LARS1: variants seen among roughly 807,000 people sequenced by gnomAD.
The protein encoded by LARS1 is leucine--tRNA ligase, cytoplasmic.
LARS1 carries 100 observed loss-of-function variants against 162.8 expected under a neutral mutation model. That is an observed-to-expected ratio of 0.61 (90% confidence interval 0.52 to 0.73). The LOEUF (loss-of-function observed/expected upper bound fraction) is 0.73. Ranked by LOEUF, LARS1 falls within the 30% of genes least tolerant of loss-of-function variation. The pLI, the probability that LARS1 is intolerant of heterozygous loss-of-function variation, is 0.00. For missense variants in LARS1, 1,258 were observed against 1,408.9 expected (o/e 0.89, Z 1.71); for synonymous variants, 457 against 462.8 (o/e 0.99, Z 0.16).
chr5:146,154,218 T>G (rs1436932149), intron 10 of LARS1, among the ~76,000 whole-genome samples: 2 of 152,016 alleles, frequency 1.3e-5, no homozygotes, highest in East Asian at 1.9e-4. Flanking sequence ...AAGGCTAGAG[T>G]GTAGAGGCTA....
At chr5:146,144,831 A>T in intron 15 of LARS1, 122 bp from the exon 16 acceptor site, 5 of 822,078 alleles carry the variant, frequency 6.1e-6, no homozygotes, top group Non-Finnish European at 9.6e-6. Flanking sequence ...CATTTTCATT[A>T]TGTCTTGCCC....
At chr5:146,126,991 G>C (rs904790766) in intron 27 of LARS1, among the ~76,000 whole-genome samples, 1 of 152,000 alleles carries the variant, frequency 6.6e-6, no homozygotes, top group African/African-American at 2.4e-5. Flanking sequence ...GTTAAAAACA[G>C]AATCATTTCT....
At chr5:146,144,560 G>T (rs1752931052) in intron 16 of LARS1, 23 bp from the exon 17 acceptor site, 1 of 1,602,428 alleles carries the variant, frequency 6.2e-7, no homozygotes, top group Non-Finnish European at 8.5e-7. Context: ...AAATTGATAT[G>T]TTTTTTTTTA....
intron 10 of LARS1, among the ~76,000 whole-genome samples, chr5:146,155,438 T>C (rs928879723): frequency 6.6e-6 from 1 of 152,200 alleles, no homozygotes; most frequent in Non-Finnish European, 1.5e-5. Flanking sequence ...CAAGAATGGG[T>C]ACTATACATC....
At chr5:146,140,942 A>G (rs1752752881) in intron 20 of LARS1, among the ~76,000 whole-genome samples, 1 of 152,236 alleles carries the variant, frequency 6.6e-6, no homozygotes, top group South Asian at 2.1e-4. Context: ...AGAACAGTGT[A>G]AACAATGTGG....
chr5:146,154,451 T>C (rs887531906), intron 10 of LARS1, among the ~76,000 whole-genome samples: 3 of 152,212 alleles, frequency 2.0e-5, no homozygotes, highest in African/African-American at 4.8e-5. Flanking sequence ...TCAAAACATA[T>C]TGCGTACCAT....
intron 2 of LARS1, among the ~76,000 whole-genome samples, chr5:146,173,736 C>A (rs1469270401): frequency 2.0e-5 from 3 of 151,912 alleles, no homozygotes; most frequent in Admixed American, 6.6e-5. Flanking sequence ...ACTTATGAAT[C>A]CACTGAAACT....
chr5:146,126,585 GTC>G (rs778258126), intron 27 of LARS1, 40 bp from the exon 28 acceptor site: 1 of 1,413,432 alleles, frequency 7.1e-7, no homozygotes, highest in Non-Finnish European at 1.0e-6. Context: ...AGAAAAAAAA[GTC>G]TCAAGAATAA....
intron 10 of LARS1, among the ~76,000 whole-genome samples, chr5:146,155,176 T>C (rs1351622555): frequency 6.6e-6 from 1 of 152,182 alleles, no homozygotes; most frequent in Non-Finnish European, 1.5e-5. Context: ...TTAATAATTA[T>C]AATAACTAAA....
chr5:146,122,593 C>G lies in LARS1; in HGVS notation c.3097-6G>C, dbSNP rs1168091612. On this transcript the variant is annotated splice_region_variant and splice_polypyrimidine_tract_variant and intron_variant, in intron 29 of 31. Transcript: ENST00000394434. Reference sequence around the variant, plus strand: ...TTGACTTCTATGTGTTCTAGCTAAACAGACGGGAAAAAATGGAAGTTATTA... The same window carrying G: ...TTGACTTCTATGTGTTCTAGCTAAAGAGACGGGAAAAAATGGAAGTTATTA... 3 of 1,561,758 alleles carry G rather than the reference C, an allele frequency of 1.9e-6. No individual in the cohort carries two copies. The highest frequency in any genetic ancestry group is 3.4e-5 in the Admixed American group (2 of 58,360).
chr5:146,160,424 T>C lies in LARS1; in HGVS notation c.657A>G (p.Arg219=), dbSNP rs748100087. ...DVNPYYDSFV[R]WQFLTLRERN... ...TTTCTCTTAATGTTAAAAATTGCCA[T>C]CTGACAAATGAATCATAGTAAGGAT... is the stretch of plus-strand genomic sequence containing the variant. The change falls in exon 7 of 32, where the codon AGA becomes AGG. Residue 219 remains arginine (R), a synonymous_variant. Coordinates refer to ENST00000394434, the MANE Select transcript of LARS1 (RefSeq NM_020117.11). 2 of 1,585,864 alleles carry C rather than the reference T, an allele frequency of 1.3e-6. No homozygotes were observed. Among genetic ancestry groups the C allele is most frequent in the East Asian group, 2.4e-5 (1 of 42,460 alleles).
In LARS1 at chr5:146,143,452, C is replaced by T; in HGVS notation, c.1837G>A (p.Gly613Ser). Residue 613 changes from glycine (G) to serine (S), a missense_variant, in exon 19 of 32, where the codon GGT becomes AGT. By Grantham distance (56) the Gly-to-Ser change is moderately conservative. Transcript: ENST00000394434. Reference protein sequence around the residue: ...FYTVAHLLQGGNLHGQAESPL... With the variant: ...FYTVAHLLQGSNLHGQAESPL... Reference sequence around the variant, plus strand: ...GACTCTGCCTGTCCATGCAAGTTACCCCCCTGCAATAGGTGTGCAACTGTG... The same window carrying T: ...GACTCTGCCTGTCCATGCAAGTTACTCCCCTGCAATAGGTGTGCAACTGTG... The T allele has an allele frequency of 6.2e-7, 1 of 1,613,778 alleles. No homozygotes were observed. Among genetic ancestry groups the T allele is most frequent in the Non-Finnish European group, 8.5e-7 (1 of 1,179,782 alleles).
Position 146,159,220 on chromosome 5 carries a change from G to A in LARS1, c.771+187C>T, listed in dbSNP as rs528641948. On this transcript the variant is annotated intron_variant, in intron 8 of 31. Coordinates refer to ENST00000394434, the MANE Select transcript of LARS1 (RefSeq NM_020117.11). ...TGCAGCTGTCCTCACATGACTCTTAGGATAGCTAGGTACTACACAAGATAC... is the reference window on the plus strand; with the variant it reads ...TGCAGCTGTCCTCACATGACTCTTAAGATAGCTAGGTACTACACAAGATAC... 2.0e-5 allele frequency among the ~76,000 whole-genome samples: 3 copies of A among 152,236 alleles called. No homozygotes were observed. The South Asian group carries it at 6.2e-4, about 32-fold the overall frequency.
intron 28 of LARS1, among the ~76,000 whole-genome samples, chr5:146,125,691 T>A (rs1043260030): frequency 6.9e-6 from 1 of 144,210 alleles, no homozygotes; most frequent in Non-Finnish European, 1.6e-5. Context: ...ACACAGAATT[T>A]CAACCAAGAT....
chr5:146,140,502 A>G (rs1752724790), intron 20 of LARS1, among the ~76,000 whole-genome samples: 1 of 152,202 alleles, frequency 6.6e-6, no homozygotes, highest in Non-Finnish European at 1.5e-5. Context: ...ATGGATATAA[A>G]AAGATCTTAA....
intron 21 of LARS1, chr5:146,138,291 T>G (rs1752601151): frequency 5.6e-6 from 1 of 179,092 alleles, no homozygotes; most frequent in African/African-American, 2.4e-5. Flanking sequence ...ATGGGAACAG[T>G]AGCATGGTTC....
At chr5:146,160,328 G>A (rs959702647) in intron 7 of LARS1, 46 bp downstream of exon 7, 12 of 1,087,194 alleles carry the variant, frequency 1.1e-5, no homozygotes, top group Non-Finnish European at 1.6e-5. Context: ...GAGCCTCTGT[G>A]CCCAACTGAT....
chr5:146,120,598 C>T, intron 30 of LARS1, 95 bp from the exon 31 acceptor site: 1 of 1,191,134 alleles, frequency 8.4e-7, no homozygotes, highest in Admixed American at 2.4e-5. Context: ...AAAGACAGAT[C>T]TAATTCTGGT....
At chr5:146,157,263 A>G in intron 10 of LARS1, 140 bp downstream of exon 10, 1 of 719,526 alleles carries the variant, frequency 1.4e-6, no homozygotes, top group Non-Finnish European at 2.4e-6. Flanking sequence ...ATGAAAATGC[A>G]CCAAAACACA....
Sources: allele counts gnomAD v4.1 joint callset (sites outside exome capture counted in the v4.1 genomes callset), GRCh38; gene constraint gnomAD v4.1.1; transcripts MANE v1.5; gene names NCBI Gene and HGNC (gene_info 2026-07-23, HGNC 2026-07-21).